The following GABRG3 variants were observed in gnomAD, a reference collection of about 807,000 sequenced individuals.
The protein encoded by GABRG3 is gamma-aminobutyric acid receptor subunit gamma-3.
GABRG3 carries 25 observed loss-of-function variants against 48.8 expected under a neutral mutation model. That is an observed-to-expected ratio of 0.51 (90% CI 0.37 to 0.72). The LOEUF is 0.72. Ranked by LOEUF, GABRG3 falls within the 30% of genes least tolerant of loss-of-function variation. The pLI is 0.00. For synonymous variants in GABRG3, 227 were observed against 217.6 expected, an observed-to-expected ratio of 1.04 and a Z score of -0.38; for missense variants, 394 against 577.9, an observed-to-expected ratio of 0.68 and a Z score of 3.26.
chr15:27,139,704 A>G (rs1898070563), intron 3 of GABRG3, among the ~76,000 whole-genome samples: 1 of 152,166 alleles, frequency 6.6e-6, no homozygotes, highest in Non-Finnish European at 1.5e-5. Context: ...TTCCTGGCAT[A>G]CAACTCCCCA....
chr15:27,300,173 T>C (rs182237742), intron 3 of GABRG3, among the ~76,000 whole-genome samples: 1 of 152,242 alleles, frequency 6.6e-6, no homozygotes, highest in African/African-American at 2.4e-5. Flanking sequence ...AACGAAAATA[T>C]CAACATTTTC....
intron 3 of GABRG3, among the ~76,000 whole-genome samples, chr15:27,189,702 TA>T (rs1888229204): frequency 6.6e-6 from 1 of 152,230 alleles, no homozygotes; most frequent in Non-Finnish European, 1.5e-5. Flanking sequence ...CCTCTTTTCC[TA>T]ATTGAATACG....
chr15:27,383,814 T>G (rs1224014869), intron 5 of GABRG3, among the ~76,000 whole-genome samples: 1 of 152,246 alleles, frequency 6.6e-6, no homozygotes, highest in Admixed American at 6.5e-5. Flanking sequence ...TTTTTATAAG[T>G]GCTTAAAAGC....
chr15:27,171,511 T>TAG (rs778969969), intron 3 of GABRG3, among the ~76,000 whole-genome samples: 52 of 147,604 alleles, frequency 3.5e-4, no homozygotes, highest in Non-Finnish European at 7.2e-4. Flanking sequence ...GTCTAACATA[T>TAG]ATATATATAT....
intron 3 of GABRG3, among the ~76,000 whole-genome samples, chr15:27,305,677 G>A: frequency 1.1e-5 from 1 of 91,296 alleles, no homozygotes; most frequent in Non-Finnish European, 2.2e-5. Context: ...AAACCTATAT[G>A]TTTATATATA....
chr15:27,494,069 C>T (rs143064046), intron 6 of GABRG3, among the ~76,000 whole-genome samples: 36 of 151,894 alleles, frequency 2.4e-4, no homozygotes, highest in Non-Finnish European at 4.3e-4. Context: ...TTTTTTTCTT[C>T]GTTAATATTG....
chr15:27,161,712 C>A (rs1249760637), intron 3 of GABRG3, among the ~76,000 whole-genome samples: 1 of 151,728 alleles, frequency 6.6e-6, no homozygotes, highest in Non-Finnish European at 1.5e-5. Context: ...TTAATTTTTA[C>A]TTGTGGTATG....
At chr15:27,024,404 C>G (rs553327452) in intron 2 of GABRG3, among the ~76,000 whole-genome samples, 2 of 152,112 alleles carry the variant, frequency 1.3e-5, no homozygotes, top group African/African-American at 4.8e-5. Flanking sequence ...AGCTTTCCGC[C>G]GTGTTTTCTT....
chr15:27,314,588 G>A (rs1238306428), intron 3 of GABRG3, among the ~76,000 whole-genome samples: 1 of 152,146 alleles, frequency 6.6e-6, no homozygotes, highest in Non-Finnish European at 1.5e-5. Context: ...TGAAATGAGG[G>A]TCTTTCAAAG....
intron 3 of GABRG3, among the ~76,000 whole-genome samples, chr15:27,297,680 A>G (rs1235166668): frequency 1.3e-5 from 2 of 152,308 alleles, no homozygotes; most frequent in Non-Finnish European, 2.9e-5. Flanking sequence ...GATTTGAACA[A>G]TGCATTTCTT....
At chr15:27,102,099 A>T (rs1897371538) in intron 3 of GABRG3, among the ~76,000 whole-genome samples, 1 of 152,130 alleles carries the variant, frequency 6.6e-6, no homozygotes, top group Non-Finnish European at 1.5e-5. Context: ...GACTCCCCTG[A>T]TGTGGGATGT....
chr15:27,286,411 A>G (rs1891613789), intron 3 of GABRG3, among the ~76,000 whole-genome samples: 1 of 152,182 alleles, frequency 6.6e-6, no homozygotes, highest in Non-Finnish European at 1.5e-5. Context: ...AAACAGTTTC[A>G]TCTTCTTCCT....
chr15:27,219,809 TA>T (rs1889393806), intron 3 of GABRG3, among the ~76,000 whole-genome samples: 2 of 152,256 alleles, frequency 1.3e-5, no homozygotes, highest in Admixed American at 1.3e-4. Context: ...CTACAATTAG[TA>T]TGATTTACTT....
intron 3 of GABRG3, among the ~76,000 whole-genome samples, chr15:27,298,272 A>G (rs975676168): frequency 1.3e-5 from 2 of 152,184 alleles, no homozygotes; most frequent in Admixed American, 6.6e-5. Flanking sequence ...AGAAAGATAT[A>G]CCATGTGTAA....
intron 5 of GABRG3, among the ~76,000 whole-genome samples, chr15:27,342,656 A>C (rs897491384): frequency 1.3e-5 from 2 of 152,264 alleles, no homozygotes; most frequent in African/African-American, 2.4e-5. Context: ...AACATTCTTC[A>C]TCAGAGTATT....
chr15:27,294,160 G>A (rs1413356671), intron 3 of GABRG3, among the ~76,000 whole-genome samples: 1 of 151,670 alleles, frequency 6.6e-6, no homozygotes, highest in Non-Finnish European at 1.5e-5. Context: ...GCAAGTCCAG[G>A]CAAGAGCCCA....
intron 5 of GABRG3, among the ~76,000 whole-genome samples, chr15:27,407,904 T>C (rs1887685340): frequency 6.6e-6 from 1 of 152,228 alleles, no homozygotes; most frequent in South Asian, 2.1e-4. Context: ...ATGTGCCATA[T>C]GTTTGTCCAG....
chr15:27,383,181 T>C (rs1382215968), intron 5 of GABRG3, among the ~76,000 whole-genome samples: 4 of 152,194 alleles, frequency 2.6e-5, no homozygotes, highest in Middle Eastern at 3.2e-3. Context: ...CCATGCTGTC[T>C]TTAAGATCTT....
At chr15:27,422,933 T>A (rs1264334152) in intron 5 of GABRG3, among the ~76,000 whole-genome samples, 1 of 152,104 alleles carries the variant, frequency 6.6e-6, no homozygotes, top group Non-Finnish European at 1.5e-5. Flanking sequence ...AAGTCCAAAG[T>A]GGCCAAGCAC....
Sources: allele counts gnomAD v4.1 joint callset (sites outside exome capture counted in the v4.1 genomes callset), GRCh38; gene constraint gnomAD v4.1.1; transcripts MANE v1.5; gene names NCBI Gene and HGNC (gene_info 2026-07-23, HGNC 2026-07-21).